The following UBAC2 variants were observed in gnomAD, a reference collection of about 807,000 sequenced individuals.
UBAC2 encodes UBA domain containing 2.
A neutral mutation model predicts 44.0 loss-of-function variants in UBAC2; 26 were observed. The observed-to-expected ratio is 0.59, with a 90% CI of 0.43 to 0.82. The LOEUF (loss-of-function observed/expected upper bound fraction) is 0.82. Ranked by LOEUF, UBAC2 falls within the 40% of genes least tolerant of loss-of-function variation. The pLI is 0.00. For missense variants in UBAC2, 329 were observed against 419.4 expected (o/e 0.78, Z 1.88); for synonymous variants, 155 against 154.3 (o/e 1.00, Z -0.04).
rs10622782 is a variant in UBAC2, at chr13:99,299,462, G to GCACA, written c.390-14624_390-14621dup. On this transcript the variant is annotated intron_variant, in intron 4 of 8. Transcript: ENST00000403766. ...TAGGGAAGCAAATACACACACACAC[G>GCACA]CACACACACACACAGAAAGATGTCT... 4.7e-3 allele frequency among the ~76,000 whole-genome samples: 702 copies of GCACA among 150,858 alleles called. 5 individuals carry two copies. Among genetic ancestry groups the GCACA allele is most frequent in the South Asian group, 0.028 (133 of 4,768 alleles).
intron 7 of UBAC2, among the ~76,000 whole-genome samples, chr13:99,355,539 C>T (rs563792173): frequency 6.9e-4 from 105 of 152,328 alleles, no homozygotes; most frequent in African/African-American, 1.9e-3. Context: ...GGTCCCCCCA[C>T]GCCACCCTCT....
chr13:99,310,352 G>A (rs910291836), intron 4 of UBAC2, among the ~76,000 whole-genome samples: 6 of 152,168 alleles, frequency 3.9e-5, no homozygotes, highest in Non-Finnish European at 7.4e-5. Flanking sequence ...AGAAAGGATG[G>A]ATGAAATGTT....
At chr13:99,216,082 T>TTGTG (rs3031384) in intron 1 of UBAC2, among the ~76,000 whole-genome samples, 5,112 of 148,792 alleles carry the variant, frequency 0.034, 109 homozygotes, top group African/African-American at 0.054. Context: ...CAACCTATAT[T>TTGTG]TGTGTGTGTG....
chr13:99,328,703 T>C lies in UBAC2; in HGVS notation c.561+10634T>C, dbSNP rs1594132453. 2.6e-5 allele frequency among the ~76,000 whole-genome samples: 4 copies of C among 152,236 alleles called. No homozygotes were observed. The South Asian group carries it at 8.3e-4, about 31-fold the overall frequency. Reference sequence around the variant, plus strand: ...TTCATTGGGCTATTTATCTTCTAACTGACTTAAAATAATTCTTTATATATT... The same window carrying C: ...TTCATTGGGCTATTTATCTTCTAACCGACTTAAAATAATTCTTTATATATT... On this transcript the variant is annotated intron_variant, in intron 6 of 8. Transcript: ENST00000403766.
chr13:99,334,826 G>A (rs1284142029), intron 6 of UBAC2, among the ~76,000 whole-genome samples: 1 of 151,962 alleles, frequency 6.6e-6, no homozygotes, highest in Non-Finnish European at 1.5e-5. Context: ...CAATCAAAAG[G>A]TAGAGATTGT....
At chr13:99,207,755 G>T (rs1236240752) in intron 1 of UBAC2, among the ~76,000 whole-genome samples, 1 of 152,098 alleles carries the variant, frequency 6.6e-6, no homozygotes, top group Non-Finnish European at 1.5e-5. Flanking sequence ...AGGACTGGTG[G>T]GGTCATTTGA....
chr13:99,340,393 A>C lies in UBAC2; in HGVS notation c.635A>C (p.Lys212Thr). ...CTCTGCATCCCCAGCTGGATGGCAA[A>C]ATTCTTTTCTTGGACACTTGAACCC... ...QVLCIPSWMA[K>T]FFSWTLEPIF... is the part of the protein sequence containing the mutation. The change falls in exon 7 of 9, where the codon AAA (lysine) becomes ACA (threonine). Residue 212 changes from lysine to threonine, a missense_variant. Lys to Thr is a moderately conservative substitution (Grantham distance 78). Coordinates refer to ENST00000403766, the MANE Select transcript of UBAC2 (RefSeq NM_001144072.2). 1 of 1,614,112 alleles carries C rather than the reference A, an allele frequency of 6.2e-7. No individual in the cohort carries two copies. The highest frequency in any genetic ancestry group is 8.5e-7 in the Non-Finnish European group (1 of 1,180,032).
intron 4 of UBAC2, among the ~76,000 whole-genome samples, chr13:99,269,277 C>A (rs1345592054): frequency 6.6e-6 from 1 of 152,148 alleles, no homozygotes; most frequent in Non-Finnish European, 1.5e-5. Flanking sequence ...CTGTGCTCTT[C>A]TTTATTGTGA....
intron 6 of UBAC2, among the ~76,000 whole-genome samples, chr13:99,335,971 T>G (rs2138819121): frequency 6.7e-6 from 1 of 148,650 alleles, no homozygotes; most frequent in African/African-American, 2.5e-5. Flanking sequence ...CCTGGCAACA[T>G]GGCAACACCT....
chr13:99,380,091 C>T (rs938548098), intron 8 of UBAC2, among the ~76,000 whole-genome samples: 5 of 152,292 alleles, frequency 3.3e-5, no homozygotes, highest in East Asian at 1.9e-4. Flanking sequence ...GAATAAACTA[C>T]ATGTTGTGGC....
chr13:99,360,081 C>T (rs1179555591), intron 7 of UBAC2, among the ~76,000 whole-genome samples: 1 of 151,704 alleles, frequency 6.6e-6, no homozygotes, highest in Admixed American at 6.6e-5. Context: ...CATAATGCCC[C>T]CTCTGTAATT....
chr13:99,338,129 C>G (rs2044828124), intron 6 of UBAC2, among the ~76,000 whole-genome samples: 1 of 131,460 alleles, frequency 7.6e-6, no homozygotes, highest in Admixed American at 9.2e-5. Flanking sequence ...ACAATCTCGA[C>G]TTACTGTAAC....
intron 2 of UBAC2, among the ~76,000 whole-genome samples, chr13:99,240,800 A>G (rs1023169589): frequency 4.6e-5 from 7 of 152,220 alleles, no homozygotes; most frequent in African/African-American, 1.4e-4. Context: ...GGTGGCCAGT[A>G]CAGTCATGAC....
intron 4 of UBAC2, among the ~76,000 whole-genome samples, chr13:99,287,681 C>T (rs1478686543): frequency 2.6e-5 from 3 of 115,288 alleles, no homozygotes; most frequent in African/African-American, 1.1e-4. Context: ...GACGAGGTTT[C>T]GCCATGTTGC....
At chr13:99,259,979 G>A (rs2043634671) in intron 4 of UBAC2, among the ~76,000 whole-genome samples, 1 of 152,176 alleles carries the variant, frequency 6.6e-6, no homozygotes, top group Non-Finnish European at 1.5e-5. Flanking sequence ...AGGTTGGGGT[G>A]AGCTCTCACT....
chr13:99,213,812 T>C (rs1356057395), intron 1 of UBAC2, among the ~76,000 whole-genome samples: 2 of 152,208 alleles, frequency 1.3e-5, no homozygotes, highest in Admixed American at 6.5e-5. Context: ...AATCAAAAGA[T>C]AAGAATATTT....
intron 1 of UBAC2, among the ~76,000 whole-genome samples, chr13:99,208,600 T>C (rs2042902725): frequency 6.6e-6 from 1 of 152,226 alleles, no homozygotes; most frequent in Non-Finnish European, 1.5e-5. Context: ...CCCCCTTTTT[T>C]TCCCAGTTAA....
chr13:99,324,365 A>T (rs896604791), intron 6 of UBAC2, among the ~76,000 whole-genome samples: 1 of 152,194 alleles, frequency 6.6e-6, no homozygotes, highest in East Asian at 1.9e-4. Context: ...CAGAAGCTTG[A>T]AGAGCCACTG....
At chr13:99,350,779 G>A (rs2045073003) in intron 7 of UBAC2, among the ~76,000 whole-genome samples, 1 of 152,260 alleles carries the variant, frequency 6.6e-6, no homozygotes. Context: ...CCGCAGGTTA[G>A]GTCTGGCGAT....
Sources: gnomAD v4.1 joint callset for allele counts (sites outside exome capture counted in the v4.1 genomes callset) on GRCh38, gnomAD v4.1.1 for gene constraint, MANE v1.5 for transcripts, NCBI Gene and HGNC (gene_info 2026-07-23, HGNC 2026-07-21) for gene names.